The following STK32B variants were observed in gnomAD, a reference collection of about 807,000 sequenced individuals.
The protein encoded by STK32B is serine/threonine-protein kinase 32B.
In STK32B, 43 loss-of-function variants were observed where a neutral mutation model predicts 52.6. The observed-to-expected ratio is 0.82, with a 90% CI of 0.64 to 1.05. The LOEUF (loss-of-function observed/expected upper bound fraction) is 1.05, where lower values mean the gene tolerates loss of function less well. STK32B is among the 50% of genes least tolerant of loss of function. The pLI, the probability that STK32B is intolerant of heterozygous loss-of-function variation, is 0.00. For missense variants in STK32B, 621 were observed against 534.6 expected (o/e 1.16, Z -1.59); for synonymous variants, 238 against 204.3 (o/e 1.17, Z -1.41).
intron 1 of STK32B, among the ~76,000 whole-genome samples, chr4:5,077,202 G>T (rs1008746078): frequency 6.6e-6 from 1 of 152,186 alleles, no homozygotes; most frequent in African/African-American, 2.4e-5. Context: ...AAACGAGTCT[G>T]CTAGTGTACT....
chr4:5,350,952 A>G (rs1435168394), intron 4 of STK32B, among the ~76,000 whole-genome samples: 1 of 152,106 alleles, frequency 6.6e-6, no homozygotes, highest in East Asian at 1.9e-4. Flanking sequence ...ATGGTGGAGC[A>G]CCCAGATATA....
Position 5,312,299 on chromosome 4 carries a change from T to TTAC in STK32B, c.261-18919_261-18918insCTA, listed in dbSNP as rs1428729879. Reference sequence around the variant, plus strand: ...TTATTAGGTTTCTTTTTTTATTTTGTTATTATACTTTAAGTTTTAGGGTAC... The same window carrying TTAC: ...TTATTAGGTTTCTTTTTTTATTTTGTTACTATTATACTTTAAGTTTTAGGGTAC... On this transcript the variant is annotated intron_variant, in intron 3 of 11. Transcript: ENST00000282908. Among the ~76,000 whole-genome samples the TTAC allele has an allele frequency of 6.1e-3, 920 of 151,788 alleles. 11 individuals carry two copies. The highest frequency in any genetic ancestry group is 0.022 in the African/African-American group (889 of 41,232).
chr4:5,079,048 A>G (rs901556327), intron 1 of STK32B, among the ~76,000 whole-genome samples: 4 of 152,226 alleles, frequency 2.6e-5, no homozygotes, highest in Non-Finnish European at 4.4e-5. Context: ...GACAATTGTT[A>G]TGCCTTAGCA....
rs1002457239 is a variant in STK32B at position 5,372,724 on chromosome 4, G to C, written c.435-25483G>C. ...GTGGCCTCAGCAGGAGAAAGTTGGGGGGGGGGGCGGTTATTTCAGACTAAT... is the reference window on the plus strand; with the variant it reads ...GTGGCCTCAGCAGGAGAAAGTTGGGCGGGGGGGCGGTTATTTCAGACTAAT... On this transcript the variant is annotated intron_variant, in intron 4 of 11. Transcript: ENST00000282908. Among the ~76,000 whole-genome samples the C allele has an allele frequency of 1.1e-4, 17 of 150,562 alleles. 1 individual carries two copies. The highest frequency in any genetic ancestry group is 4.3e-4 in the South Asian group (2 of 4,672).
intron 1 of STK32B, among the ~76,000 whole-genome samples, chr4:5,080,508 G>A (rs933820873): frequency 6.6e-6 from 1 of 151,974 alleles, no homozygotes; most frequent in African/African-American, 2.4e-5. Flanking sequence ...TCCCTCTCTG[G>A]TCTTCATTTC....
At chr4:5,191,373 C>G (rs572691728) in intron 3 of STK32B, among the ~76,000 whole-genome samples, 2 of 152,180 alleles carry the variant, frequency 1.3e-5, no homozygotes, top group East Asian at 3.9e-4. Flanking sequence ...GCCTCAGACT[C>G]CCCAGTAGCT....
At chr4:5,068,911 G>A (rs1390841433) in intron 1 of STK32B, among the ~76,000 whole-genome samples, 1 of 152,146 alleles carries the variant, frequency 6.6e-6, no homozygotes, top group Admixed American at 6.5e-5. Flanking sequence ...GTGTGTGCAT[G>A]TGTATGTGGC....
chr4:5,105,709 G>T (rs934642567), intron 1 of STK32B, among the ~76,000 whole-genome samples: 10 of 151,712 alleles, frequency 6.6e-5, no homozygotes, highest in Non-Finnish European at 1.5e-4. Context: ...GACCACAGGC[G>T]CCCGCCACCA....
At chr4:5,421,164 A>G (rs1712613088) in intron 6 of STK32B, among the ~76,000 whole-genome samples, 1 of 151,756 alleles carries the variant, frequency 6.6e-6, no homozygotes, top group African/African-American at 2.4e-5. Context: ...ATCTCTGCTC[A>G]CTGCAAACTC....
chr4:5,252,572 A>G (rs1454566572), intron 3 of STK32B, among the ~76,000 whole-genome samples: 3 of 152,052 alleles, frequency 2.0e-5, no homozygotes, highest in South Asian at 4.2e-4. Context: ...AGTTTGGTCA[A>G]TCTGTTTTTC....
intron 6 of STK32B, among the ~76,000 whole-genome samples, chr4:5,443,890 G>A (rs923220035): frequency 4.6e-5 from 7 of 152,202 alleles, no homozygotes; most frequent in African/African-American, 1.7e-4. Flanking sequence ...CCTGCTGGGG[G>A]GTGCCTGCCA....
intron 1 of STK32B, among the ~76,000 whole-genome samples, chr4:5,115,596 TGG>T (rs1714670164): frequency 1.3e-5 from 2 of 151,178 alleles, no homozygotes; most frequent in Admixed American, 1.3e-4. Flanking sequence ...AAGTGTAACC[TGG>T]GCAGTTATCC....
chr4:5,499,060 T>C lies in STK32B; in HGVS notation c.1222T>C (p.Cys408Arg), dbSNP rs746497893. ...GCNNNLLTHT[C>R]TRGCSS ...CAACAACAACCTCCTCACCCACACC[T>C]GCACCCGTGGCTGCAGCAGCTGAGC... The change falls in exon 12 of 12, where the codon TGC becomes CGC. Residue 408 changes from cysteine to arginine, a missense_variant. Transcript: ENST00000282908. 6.2e-7 allele frequency: 1 copy of C among 1,612,412 alleles called. No homozygotes were observed. The highest frequency in any genetic ancestry group is 1.1e-5 in the South Asian group (1 of 90,842).
chr4:5,297,022 C>T (rs937420450), intron 3 of STK32B, among the ~76,000 whole-genome samples: 2 of 152,086 alleles, frequency 1.3e-5, no homozygotes, highest in Non-Finnish European at 2.9e-5. Context: ...GATTTTATTC[C>T]TCCTTTGTTT....
intron 1 of STK32B, among the ~76,000 whole-genome samples, chr4:5,083,271 C>A (rs1014708484): frequency 6.6e-6 from 1 of 152,056 alleles, no homozygotes; most frequent in Non-Finnish European, 1.5e-5. Context: ...ATTTAGAAAT[C>A]TATATCCTCT....
chr4:5,197,085 G>A (rs1721738543), intron 3 of STK32B, among the ~76,000 whole-genome samples: 1 of 152,248 alleles, frequency 6.6e-6, no homozygotes, highest in Non-Finnish European at 1.5e-5. Flanking sequence ...TACCAAATTG[G>A]GACTCAGAAA....
intron 2 of STK32B, among the ~76,000 whole-genome samples, chr4:5,163,616 C>G (rs1718632759): frequency 2.0e-5 from 3 of 150,280 alleles, no homozygotes; most frequent in African/African-American, 7.4e-5. Flanking sequence ...GGGACAAGGT[C>G]TTTGAATGCC....
intron 4 of STK32B, among the ~76,000 whole-genome samples, chr4:5,370,138 G>A (rs886407073): frequency 1.3e-5 from 2 of 151,668 alleles, no homozygotes; most frequent in Non-Finnish European, 2.9e-5. Context: ...GCCTCCCAAA[G>A]TGCTGGGATT....
intron 5 of STK32B, among the ~76,000 whole-genome samples, chr4:5,401,988 C>G (rs922857763): frequency 1.3e-5 from 2 of 152,232 alleles, no homozygotes; most frequent in African/African-American, 2.4e-5. Context: ...CAGCCGATCC[C>G]CTCTGGCCTT....
Sources: allele counts gnomAD v4.1 joint callset (sites outside exome capture counted in the v4.1 genomes callset), GRCh38; gene constraint gnomAD v4.1.1; transcripts MANE v1.5; gene names NCBI Gene and HGNC (gene_info 2026-07-23, HGNC 2026-07-21).